CLMP: variants seen among roughly 807,000 people sequenced by gnomAD.
The protein encoded by CLMP is CXADR-like membrane protein.
In CLMP, 27 loss-of-function variants were observed where a neutral mutation model predicts 45.2. The observed-to-expected ratio is 0.60, with a 90% CI of 0.44 to 0.82. The LOEUF (loss-of-function observed/expected upper bound fraction) is 0.82, where lower values mean the gene tolerates loss of function less well. Among genes scored for constraint, CLMP ranks in the 40% least tolerant of loss-of-function variants. CLMP has a pLI of 0.00. For synonymous variants in CLMP, 167 were observed against 171.4 expected, an observed-to-expected ratio of 0.97 and a Z score of 0.20; for missense variants, 403 against 448.4, an observed-to-expected ratio of 0.90 and a Z score of 0.91.
chr11:123,087,562 C>A (rs1865879993), intron 2 of CLMP, among the ~76,000 whole-genome samples: 1 of 151,598 alleles, frequency 6.6e-6, no homozygotes, highest in South Asian at 2.1e-4. Context: ...GTGGCTCATG[C>A]CTGTAATCCC....
At chr11:123,084,758 C>T (rs2135469706) in intron 2 of CLMP, 45 bp from the exon 3 acceptor site, 3 of 1,542,226 alleles carry the variant, frequency 1.9e-6, no homozygotes, top group South Asian at 1.1e-5. Context: ...AACTCTCAGC[C>T]TGCCTTTCCT....
intron 1 of CLMP, 109 bp downstream of exon 1, chr11:123,194,804 C>T (rs1434604062): frequency 4.3e-6 from 6 of 1,400,044 alleles, no homozygotes; most frequent in African/African-American, 1.4e-5. Flanking sequence ...GAAAAGCCGG[C>T]TGACTCCAGG....
rs10714246 is a variant in CLMP at position 123,141,985 on chromosome 11, C to CTT, written c.29-44035_29-44034dup. Among the ~76,000 whole-genome samples, 320 of 117,530 alleles carry CTT rather than the reference C, an allele frequency of 2.7e-3. 3 individuals are homozygous for CTT. The highest frequency in any genetic ancestry group is 7.4e-3 in the African/African-American group (216 of 29,002). 77.1% of individuals were successfully genotyped at this position (117,530 alleles called of 152,430 possible). A position where few individuals can be genotyped will look rare whatever the true frequency, so the allele number is the denominator to read the frequency against. On this transcript the variant is annotated intron_variant, in intron 1 of 6. Coordinates refer to ENST00000448775, the MANE Select transcript of CLMP (RefSeq NM_024769.5). ...TTGAGCTAACCAAAATCCCCCCAGC[C>CTT]TTTTTTTTTTTTTTTTTTTGACAGG...
At chr11:123,106,412 TGTGTGTGTGTGTGCGCGCGCGC>T (rs761513164) in intron 1 of CLMP, among the ~76,000 whole-genome samples, 1 of 127,794 alleles carries the variant, frequency 7.8e-6, no homozygotes, top group Admixed American at 8.7e-5. Context: ...TGTGTGTGTG[TGTGTGTGTGTGTGCGCGCGCGC>T]GCGCGCACGT....
intron 1 of CLMP, among the ~76,000 whole-genome samples, chr11:123,187,136 C>T (rs1191687511): frequency 6.6e-6 from 1 of 152,206 alleles, no homozygotes; most frequent in Non-Finnish European, 1.5e-5. Flanking sequence ...GATGCAGTGG[C>T]TGATGAGAAA....
chr11:123,103,749 T>C (rs1205654817), intron 1 of CLMP, among the ~76,000 whole-genome samples: 1 of 152,016 alleles, frequency 6.6e-6, no homozygotes, highest in Non-Finnish European at 1.5e-5. Context: ...TACATTTTTT[T>C]ACATTGCTCA....
chr11:123,087,260 C>T (rs1865876055), intron 2 of CLMP, among the ~76,000 whole-genome samples: 1 of 152,058 alleles, frequency 6.6e-6, no homozygotes, highest in African/African-American at 2.4e-5. Flanking sequence ...TTGCTTGAAC[C>T]CGGGAGGCGG....
Position 123,124,037 on chromosome 11 carries a change from G to A in CLMP, c.29-26085C>T, listed in dbSNP as rs75488904. Reference sequence around the variant, plus strand: ...AGAAAAGGAGCAGTGAGGAGAGAGCGATTCATTTGATGGGAGAGTTAGGAG... The same window carrying A: ...AGAAAAGGAGCAGTGAGGAGAGAGCAATTCATTTGATGGGAGAGTTAGGAG... On this transcript the variant is annotated intron_variant, in intron 1 of 6. Coordinates refer to ENST00000448775, the MANE Select transcript of CLMP (RefSeq NM_024769.5). Among the ~76,000 whole-genome samples, 1,274 of 152,172 alleles carry A rather than the reference G, an allele frequency of 8.4e-3. 13 individuals carry two copies. The highest frequency in any genetic ancestry group is 0.029 in the African/African-American group (1,214 of 41,520).
chr11:123,181,693 C>A (rs1057081365), intron 1 of CLMP, among the ~76,000 whole-genome samples: 1 of 152,136 alleles, frequency 6.6e-6, no homozygotes, highest in African/African-American at 2.4e-5. Context: ...CTAAGATCCA[C>A]CCCCAGCTAG....
chr11:123,149,819 C>CTT (rs771164352), intron 1 of CLMP, among the ~76,000 whole-genome samples: 3,934 of 145,742 alleles, frequency 0.027, 188 homozygotes, highest in African/African-American at 0.093. Context: ...TTCTTTCTCT[C>CTT]TTTTTTTTTT....
rs74621730 is a variant in CLMP, at chr11:123,131,496, T to C, written c.29-33544A>G. On this transcript the variant is annotated intron_variant, in intron 1 of 6. Coordinates refer to ENST00000448775, the MANE Select transcript of CLMP (RefSeq NM_024769.5). ...CCAAAAATAAGCCCAAAACTAACCT[T>C]TTCCAAACTCTTAAATACTGGGTTT... Among the ~76,000 whole-genome samples, 14 of 152,306 alleles carry C rather than the reference T, an allele frequency of 9.2e-5. No individual in the cohort carries two copies. The East Asian group carries it at 2.7e-3, about 29-fold the overall frequency.
At chr11:123,112,359 C>T (rs1220748481) in intron 1 of CLMP, among the ~76,000 whole-genome samples, 3 of 138,522 alleles carry the variant, frequency 2.2e-5, no homozygotes, top group South Asian at 2.2e-4. Context: ...TTTTTTGAGA[C>T]GGAGTTTTGC....
intron 1 of CLMP, among the ~76,000 whole-genome samples, chr11:123,100,521 G>T (rs1024486491): frequency 6.6e-6 from 1 of 152,080 alleles, no homozygotes; most frequent in Non-Finnish European, 1.5e-5. Flanking sequence ...ACTGAGTTTA[G>T]ATTCAAGTCC....
At chr11:123,140,056 C>T (rs1377320723) in intron 1 of CLMP, among the ~76,000 whole-genome samples, 3 of 152,062 alleles carry the variant, frequency 2.0e-5, no homozygotes, top group Non-Finnish European at 4.4e-5. Context: ...GTGTGAAGTA[C>T]AGGAATAACT....
chr11:123,163,503 G>A (rs1343263427), intron 1 of CLMP, among the ~76,000 whole-genome samples: 2 of 152,174 alleles, frequency 1.3e-5, no homozygotes, highest in Admixed American at 6.5e-5. Context: ...CTATGGAGCT[G>A]TAATCTATGG....
intron 2 of CLMP, among the ~76,000 whole-genome samples, chr11:123,092,442 C>A (rs1455927413): frequency 6.6e-6 from 1 of 151,850 alleles, no homozygotes; most frequent in Non-Finnish European, 1.5e-5. Context: ...GGACTACAGG[C>A]ACACACCACC....
At chr11:123,194,725 A>C (rs533860266) in intron 1 of CLMP, among the ~76,000 whole-genome samples, 188 bp downstream of exon 1, 1 of 152,292 alleles carries the variant, frequency 6.6e-6, no homozygotes, top group South Asian at 2.1e-4. Flanking sequence ...TGTGCGAGAC[A>C]ATCTCGATGG....
intron 1 of CLMP, among the ~76,000 whole-genome samples, chr11:123,101,157 G>A (rs1404876620): frequency 6.6e-6 from 1 of 152,198 alleles, no homozygotes; most frequent in Admixed American, 6.5e-5. Flanking sequence ...CACCCAGGCT[G>A]GAGTGCAGTG....
chr11:123,168,353 C>T (rs1220871081), intron 1 of CLMP, among the ~76,000 whole-genome samples: 1 of 152,176 alleles, frequency 6.6e-6, no homozygotes, highest in African/African-American at 2.4e-5. Context: ...GGCAGCTGCC[C>T]CCCCTGGTTC....
Sources: allele counts gnomAD v4.1 joint callset (sites outside exome capture counted in the v4.1 genomes callset), GRCh38; gene constraint gnomAD v4.1.1; transcripts MANE v1.5; gene names NCBI Gene and HGNC (gene_info 2026-07-23, HGNC 2026-07-21).